Variants in SNTG1 observed in about 807,000 individuals in gnomAD.
SNTG1 encodes gamma-1-syntrophin.
Under a neutral mutation model 74.7 loss-of-function variants are expected in SNTG1, and 39 were observed. That is an observed-to-expected ratio of 0.52 (90% CI 0.40 to 0.68). The LOEUF is 0.68. Ranked by LOEUF, SNTG1 falls within the 30% of genes least tolerant of loss-of-function variation. SNTG1 has a pLI of 0.00. For synonymous variants in SNTG1, 254 were observed against 217.1 expected (o/e 1.17, Z -1.49); for missense variants, 685 against 609.5 (o/e 1.12, Z -1.30).
chr8:50,115,581 A>AAAAAAAAAAAAAAAAAC (rs1563617770), intron 1 of SNTG1, among the ~76,000 whole-genome samples: 2 of 147,720 alleles, frequency 1.4e-5, no homozygotes, highest in African/African-American at 5.0e-5. Flanking sequence ...AAAAAAAAAA[A>AAAAAAAAAAAAAAAAAC]AAAAAACGAG....
intron 1 of SNTG1, among the ~76,000 whole-genome samples, chr8:49,954,167 C>G (rs1809964327): frequency 6.6e-6 from 1 of 152,092 alleles, no homozygotes; most frequent in Non-Finnish European, 1.5e-5. Flanking sequence ...TAATTGTAAA[C>G]TAACTGGGTA....
intron 1 of SNTG1, among the ~76,000 whole-genome samples, chr8:50,089,013 A>T (rs959798891): frequency 6.6e-6 from 1 of 151,788 alleles, no homozygotes; most frequent in Non-Finnish European, 1.5e-5. Context: ...CTATACTACA[A>T]GGCTACAGTA....
At chr8:50,417,456 T>C (rs1216905660) in intron 4 of SNTG1, among the ~76,000 whole-genome samples, 1 of 152,166 alleles carries the variant, frequency 6.6e-6, no homozygotes, top group Non-Finnish European at 1.5e-5. Flanking sequence ...ACTTATGAAA[T>C]GTCGCCCAGT....
At chr8:50,117,665 A>G (rs1430195460) in intron 1 of SNTG1, among the ~76,000 whole-genome samples, 3 of 152,148 alleles carry the variant, frequency 2.0e-5, no homozygotes, top group Non-Finnish European at 4.4e-5. Context: ...TCACAGAATT[A>G]GCTCTCACTA....
intron 1 of SNTG1, among the ~76,000 whole-genome samples, chr8:49,995,517 G>C (rs1235741556): frequency 2.0e-5 from 3 of 152,186 alleles, no homozygotes; most frequent in African/African-American, 7.2e-5. Context: ...ACTGATGTGT[G>C]CATTTGTTTA....
At chr8:50,663,779 A>T (rs2095237135) in intron 15 of SNTG1, among the ~76,000 whole-genome samples, 1 of 152,164 alleles carries the variant, frequency 6.6e-6, no homozygotes, top group Non-Finnish European at 1.5e-5. Context: ...TTTGAAATTA[A>T]TATACACTTC....
At chr8:50,354,060 T>C (rs2091746277) in intron 2 of SNTG1, among the ~76,000 whole-genome samples, 2 of 152,176 alleles carry the variant, frequency 1.3e-5, no homozygotes, top group Non-Finnish European at 2.9e-5. Flanking sequence ...CTTGATTATC[T>C]CCAAAGCAGG....
intron 12 of SNTG1, among the ~76,000 whole-genome samples, chr8:50,586,957 A>G (rs1419118039): frequency 6.6e-6 from 1 of 152,066 alleles, no homozygotes; most frequent in Non-Finnish European, 1.5e-5. Flanking sequence ...TCATGTAATA[A>G]CCCCTAAATA....
intron 8 of SNTG1, among the ~76,000 whole-genome samples, chr8:50,451,144 C>T (rs926284241): frequency 2.0e-5 from 3 of 151,878 alleles, no homozygotes; most frequent in Non-Finnish European, 4.4e-5. Flanking sequence ...GCAGATTCAA[C>T]CAACCATCTG....
At chr8:50,474,282 A>G (rs2093677402) in intron 8 of SNTG1, among the ~76,000 whole-genome samples, 1 of 152,078 alleles carries the variant, frequency 6.6e-6, no homozygotes, top group African/African-American at 2.4e-5. Flanking sequence ...ATCAGAGTGA[A>G]CAGGCAACCT....
At chr8:50,627,675 T>A (rs183392849) in intron 13 of SNTG1, among the ~76,000 whole-genome samples, 1 of 152,138 alleles carries the variant, frequency 6.6e-6, no homozygotes, top group African/African-American at 2.4e-5. Flanking sequence ...CTAGAGCAGC[T>A]CCCAGAATGC....
intron 1 of SNTG1, among the ~76,000 whole-genome samples, chr8:50,059,131 A>G (rs1820268427): frequency 6.6e-6 from 1 of 152,034 alleles, no homozygotes; most frequent in South Asian, 2.1e-4. Context: ...GTGCCAGTTT[A>G]TTTAGCCATT....
chr8:50,226,274 C>T (rs1203775906), intron 2 of SNTG1, among the ~76,000 whole-genome samples: 3 of 152,108 alleles, frequency 2.0e-5, no homozygotes, highest in Non-Finnish European at 2.9e-5. Context: ...CCCTATATAT[C>T]ATGACTCACT....
intron 1 of SNTG1, among the ~76,000 whole-genome samples, chr8:50,070,767 A>G (rs142116579): frequency 1.2e-4 from 19 of 152,302 alleles, no homozygotes; most frequent in African/African-American, 4.1e-4. Flanking sequence ...ATTTTATCCA[A>G]TCAATGTGTG....
At chr8:50,213,999 T>G (rs932983033) in intron 2 of SNTG1, among the ~76,000 whole-genome samples, 19 of 152,100 alleles carry the variant, frequency 1.2e-4, no homozygotes, top group Admixed American at 2.0e-4. Context: ...CATGAAGTCC[T>G]TCCCCATGCC....
intron 2 of SNTG1, among the ~76,000 whole-genome samples, chr8:50,248,089 A>T (rs781532991): frequency 6.6e-6 from 1 of 152,098 alleles, no homozygotes; most frequent in African/African-American, 2.4e-5. Context: ...TTATAAAGAC[A>T]TCTGTCATAT....
At position 50,278,048 on chromosome 8, in the gene SNTG1, C is replaced by T. The variant is rs114452138; in HGVS notation, c.-28+105413C>T. 5.2e-3 allele frequency among the ~76,000 whole-genome samples: 790 copies of T among 152,126 alleles called. 17 individuals carry two copies. Among genetic ancestry groups the T allele is most frequent in the African/African-American group, 0.018 (762 of 41,504 alleles). On this transcript the variant is annotated intron_variant, in intron 2 of 18. Coordinates refer to ENST00000642720, the MANE Select transcript of SNTG1 (RefSeq NM_018967.5). ...ATTAGCCATGCTTGGTGGCGTATGC[C>T]TGTAATCTCAGCTGCTAAGGAGGCT...
intron 2 of SNTG1, among the ~76,000 whole-genome samples, chr8:50,267,218 C>T (rs928930820): frequency 6.6e-5 from 10 of 151,684 alleles, no homozygotes; most frequent in African/African-American, 2.4e-4. Context: ...TAGGGTTAAC[C>T]TAAATAATTT....
At chr8:50,622,745 G>A (rs185510891) in intron 13 of SNTG1, among the ~76,000 whole-genome samples, 17 of 152,030 alleles carry the variant, frequency 1.1e-4, no homozygotes, top group Admixed American at 2.0e-4. Flanking sequence ...AAAAAAGGTC[G>A]GTGGTAACAT....
Sources: allele counts gnomAD v4.1 joint callset (sites outside exome capture counted in the v4.1 genomes callset), GRCh38; gene constraint gnomAD v4.1.1; transcripts MANE v1.5; gene names NCBI Gene and HGNC (gene_info 2026-07-23, HGNC 2026-07-21).